Variants in TTC23L observed in about 807,000 individuals in gnomAD.
TTC23L encodes tetratricopeptide repeat protein 23-like.
Under a neutral mutation model 48.1 loss-of-function variants are expected in TTC23L, and 42 were observed. The observed-to-expected ratio is 0.87, with a 90% CI of 0.68 to 1.13. TTC23L has a LOEUF of 1.13. TTC23L is among the 50% of genes most tolerant of loss of function. The pLI is 0.00. For synonymous variants in TTC23L, 159 were observed against 157.2 expected (o/e 1.01, Z -0.09); for missense variants, 391 against 421.0 (o/e 0.93, Z 0.62).
chr5:34,846,659 ATGTGTGTATG>A lies in TTC23L; in HGVS notation c.255+994_255+1003del, dbSNP rs1330908106. Among the ~76,000 whole-genome samples the A allele has an allele frequency of 5.6e-3, 385 of 69,170 alleles. 2 individuals carry two copies. Among genetic ancestry groups the A allele is most frequent in the African/African-American group, 0.015 (376 of 24,896 alleles). The allele number at this position is 69,170 out of a possible 152,430, so 45.4% of individuals were successfully genotyped here. ...TATACGTATATATACAAATACATAT[ATGTGTGTATG>A]TGTGTGTGTGTGTGTGTGTGTGTGT... On this transcript the variant is annotated intron_variant, in intron 3 of 10. Transcript: ENST00000505624.
At position 34,869,100 on chromosome 5, in the gene TTC23L, C is replaced by G. The variant is rs7702062; in HGVS notation, c.949+87C>G. On this transcript the variant is annotated intron_variant, in intron 8 of 10. Transcript: ENST00000505624. ...ACAGCCTATCTAAGATTCTAATTAG[C>G]TATTTATTCCTGTAATGGAAAAATT... The G allele has an allele frequency of 0.014, 15,405 of 1,073,102 alleles. 477 individuals are homozygous for G. Among genetic ancestry groups the G allele is most frequent in the African/African-American group, 0.12 (7,364 of 63,202 alleles). The allele number at this position is 1,073,102 out of a possible 1,614,324, so 66.5% of individuals were successfully genotyped here. A position where few individuals can be genotyped will look rare whatever the true frequency, so the allele number is the denominator to read the frequency against.
At chr5:34,913,414 A>G in the TTC23L span, 1 of 1,032,128 alleles carries the variant, frequency 9.7e-7, no homozygotes, top group Non-Finnish European at 1.4e-6. Context: ...AACTTCCTGT[A>G]TTTTTCTGAC....
chr5:34,883,864 C>A (rs1157508420), intron 9 of TTC23L, among the ~76,000 whole-genome samples: 1 of 152,164 alleles, frequency 6.6e-6, no homozygotes, highest in African/African-American at 2.4e-5. Flanking sequence ...TTTTCAAACT[C>A]TTCCATTTTC....
At chr5:34,892,183 G>C (rs1422069765) in intron 9 of TTC23L, among the ~76,000 whole-genome samples, 2 of 152,290 alleles carry the variant, frequency 1.3e-5, no homozygotes, top group East Asian at 3.9e-4. Context: ...AACTCTGCTA[G>C]TTTTCCGATG....
chr5:34,905,828 A>G, the TTC23L span: 1 of 152,248 alleles, frequency 6.6e-6, no homozygotes, highest in African/African-American at 2.4e-5. Context: ...TGGGTCAATT[A>G]GAACACAAAT....
chr5:34,908,993 A>G, the TTC23L span: 1 of 1,447,236 alleles, frequency 6.9e-7, no homozygotes, highest in Non-Finnish European at 9.5e-7. Context: ...CACAGTGAAC[A>G]CTGCTCAGAA....
intron 4 of TTC23L, among the ~76,000 whole-genome samples, chr5:34,861,854 A>G (rs1383550487): frequency 1.3e-5 from 2 of 152,008 alleles, no homozygotes; most frequent in Non-Finnish European, 2.9e-5. Flanking sequence ...CTGAAAGTGA[A>G]CCCTACCTGT....
intron 7 of TTC23L, 200 bp downstream of exon 7, chr5:34,867,269 G>A (rs1274657474): frequency 9.7e-6 from 6 of 617,440 alleles, no homozygotes; most frequent in East Asian, 2.8e-5. Flanking sequence ...ACTCAGGTGG[G>A]CGAATGTGCT....
chr5:34,864,659 A>G (rs1561136635), intron 6 of TTC23L, 97 bp downstream of exon 6: 1 of 1,400,724 alleles, frequency 7.1e-7, no homozygotes, highest in Non-Finnish European at 9.5e-7. Context: ...AAAACCCAGA[A>G]ACTCAAATGA....
intron 8 of TTC23L, among the ~76,000 whole-genome samples, chr5:34,877,080 A>AT (rs1761899247): frequency 6.6e-6 from 1 of 152,250 alleles, no homozygotes; most frequent in East Asian, 1.9e-4. Flanking sequence ...AACATCAGCA[A>AT]GTTGAATCCA....
chr5:34,913,888 TATG>T, the TTC23L span: 1 of 446,098 alleles, frequency 2.2e-6, no homozygotes, highest in Admixed American at 2.6e-5. Context: ...CAACTTTTAT[TATG>T]ATTTTTTATT....
chr5:34,881,196 T>G (rs1354640501), intron 9 of TTC23L, among the ~76,000 whole-genome samples: 3 of 152,214 alleles, frequency 2.0e-5, no homozygotes, highest in Non-Finnish European at 2.9e-5. Context: ...AATTTAATAT[T>G]TTAAGTCAAA....
At chr5:34,848,625 A>T (rs1332825920) in intron 3 of TTC23L, among the ~76,000 whole-genome samples, 1 of 152,206 alleles carries the variant, frequency 6.6e-6, no homozygotes, top group African/African-American at 2.4e-5. Context: ...AGGCCTGTTG[A>T]TAAGAAAAGT....
intron 3 of TTC23L, among the ~76,000 whole-genome samples, chr5:34,846,679 G>A (rs1414877451): frequency 1.2e-5 from 1 of 81,264 alleles, no homozygotes; most frequent in African/African-American, 3.0e-5. Context: ...GTGTGTGTGT[G>A]TGTGTGTGTG....
intron 4 of TTC23L, among the ~76,000 whole-genome samples, chr5:34,856,700 G>A (rs16868532): frequency 0.34 from 52,026 of 152,138 alleles, 10,326 homozygotes; most frequent in South Asian, 0.45. Context: ...CCTTGATAAA[G>A]AGTTAGCAAA....
chr5:34,921,959 C>T, the TTC23L span: 1 of 226,664 alleles, frequency 4.4e-6, no homozygotes, highest in Non-Finnish European at 8.4e-6. Context: ...AGAAGTGAGA[C>T]CATTTTAGAT....
chr5:34,914,976 C>G, the TTC23L span: 64 of 1,454,688 alleles, frequency 4.4e-5, no homozygotes, highest in Non-Finnish European at 5.7e-5. Context: ...AGGGATTAGA[C>G]AGTAAAACTC....
chr5:34,915,824 C>T, the TTC23L span: 2 of 1,574,736 alleles, frequency 1.3e-6, no homozygotes, highest in African/African-American at 2.7e-5. Flanking sequence ...GCGGAGCCGC[C>T]AGCTAAGCGG....
chr5:34,896,801 G>T, exon 10 of TTC23L: 1 of 760,602 alleles, frequency 1.3e-6, no homozygotes, highest in Non-Finnish European at 2.5e-6. Context: ...ATGGAGAAGA[G>T]AAGCCATTCC....
Sources: gnomAD v4.1 joint callset for allele counts (sites outside exome capture counted in the v4.1 genomes callset) on GRCh38, gnomAD v4.1.1 for gene constraint, MANE v1.5 for transcripts, NCBI Gene and HGNC (gene_info 2026-07-23, HGNC 2026-07-21) for gene names.